SEMA6D: variants seen among roughly 807,000 people sequenced by gnomAD.
SEMA6D encodes semaphorin-6D.
A neutral mutation model predicts 106.6 loss-of-function variants in SEMA6D; 35 were observed. The ratio of observed to expected loss-of-function variants is 0.33; its 90% CI spans 0.25 to 0.44. The LOEUF (loss-of-function observed/expected upper bound fraction) is 0.44, where lower values mean the gene tolerates loss of function less well. SEMA6D is among the 20% of genes least tolerant of loss of function. SEMA6D has a pLI of 1.00. For synonymous variants in SEMA6D, 499 were observed against 487.7 expected, an observed-to-expected ratio of 1.02 and a Z score of -0.31; for missense variants, 1,185 against 1,345.9, an observed-to-expected ratio of 0.88 and a Z score of 1.87.
At chr15:47,240,375 A>G (rs953272023) in intron 1 of SEMA6D, among the ~76,000 whole-genome samples, 1 of 152,210 alleles carries the variant, frequency 6.6e-6, no homozygotes, top group African/African-American at 2.4e-5. Context: ...TTTAGGTAAA[A>G]TGAAGGAACT....
chr15:47,757,159 C>G (rs1037518475), intron 1 of SEMA6D, among the ~76,000 whole-genome samples: 1 of 152,152 alleles, frequency 6.6e-6, no homozygotes, highest in African/African-American at 2.4e-5. Context: ...GAGGGCTCCT[C>G]CCCGCCCTGC....
intron 16 of SEMA6D, 124 bp from the exon 17 acceptor site, chr15:47,766,913 A>T: frequency 1.6e-6 from 1 of 624,152 alleles, no homozygotes; most frequent in Non-Finnish European, 2.7e-6. Flanking sequence ...TAGTCTAACC[A>T]GTAGGTTAAT....
In SEMA6D at chr15:47,587,237, C is replaced by T. The variant is rs552906859; in HGVS notation, c.-86-13628C>T. Among the ~76,000 whole-genome samples, 6 of 152,282 alleles carry T rather than the reference C, an allele frequency of 3.9e-5. No homozygotes were observed. In the South Asian group the frequency reaches 8.3e-4, roughly 21 times the overall value. On this transcript the variant is annotated intron_variant, in intron 3 of 19. Coordinates refer to the SEMA6D transcript ENST00000558014. Reference sequence around the variant, plus strand: ...CCCCTCTGCCCTACCTCACCCCACCCGTCACGGCTCTGTCCTGGGTTTCAA... The same window carrying T: ...CCCCTCTGCCCTACCTCACCCCACCTGTCACGGCTCTGTCCTGGGTTTCAA...
intron 1 of SEMA6D, among the ~76,000 whole-genome samples, chr15:47,408,976 T>C (rs2040692268): frequency 6.6e-6 from 1 of 152,244 alleles, no homozygotes; most frequent in South Asian, 2.1e-4. Flanking sequence ...TTGCCAGTTG[T>C]ACTTACTGAA....
intron 1 of SEMA6D, among the ~76,000 whole-genome samples, chr15:47,333,083 G>T (rs12913499): frequency 0.036 from 5,468 of 152,262 alleles, 151 homozygotes; most frequent in Middle Eastern, 0.075. Context: ...TCATCGTTGT[G>T]TATTGTTTTT....
chr15:47,627,335 G>A (rs1041164547), intron 4 of SEMA6D, among the ~76,000 whole-genome samples: 5 of 152,124 alleles, frequency 3.3e-5, no homozygotes, highest in African/African-American at 9.7e-5. Flanking sequence ...ATTTAAATGT[G>A]CCCAATAAGC....
At chr15:47,200,061 T>C (rs1894621886) in intron 1 of SEMA6D, among the ~76,000 whole-genome samples, 1 of 152,174 alleles carries the variant, frequency 6.6e-6, no homozygotes, top group Admixed American at 6.6e-5. Flanking sequence ...TGTATATCTA[T>C]GTGTCTTTGT....
At chr15:47,339,992 G>A (rs985192335) in intron 1 of SEMA6D, among the ~76,000 whole-genome samples, 1 of 152,158 alleles carries the variant, frequency 6.6e-6, no homozygotes, top group African/African-American at 2.4e-5. Context: ...CTGATTTTTA[G>A]AGAGTACTGT....
intron 3 of SEMA6D, among the ~76,000 whole-genome samples, chr15:47,576,553 C>T (rs28624533): frequency 0.068 from 10,344 of 152,256 alleles, 1,092 homozygotes; most frequent in African/African-American, 0.23. Flanking sequence ...TTAGAGGCAG[C>T]TCAACTGCAC....
intron 1 of SEMA6D, among the ~76,000 whole-genome samples, chr15:47,371,800 C>T (rs1035771797): frequency 2.0e-5 from 3 of 152,130 alleles, no homozygotes; most frequent in Admixed American, 6.5e-5. Context: ...TGATGATGAT[C>T]ATCATAGAAA....
intron 3 of SEMA6D, among the ~76,000 whole-genome samples, chr15:47,562,153 C>A (rs1566891886): frequency 1.3e-5 from 2 of 151,922 alleles, no homozygotes; most frequent in Admixed American, 1.3e-4. Context: ...CATACATGGG[C>A]AACTGATTTT....
intron 1 of SEMA6D, among the ~76,000 whole-genome samples, chr15:47,224,638 A>G (rs923353370): frequency 6.6e-6 from 1 of 152,088 alleles, no homozygotes; most frequent in Non-Finnish European, 1.5e-5. Context: ...CCAAGTCACC[A>G]AACTTCTTGT....
In SEMA6D at chr15:47,693,154, T is replaced by A. The variant is rs2078625359; in HGVS notation, c.-54-66591T>A. Among the ~76,000 whole-genome samples, 4 of 152,150 alleles carry A rather than the reference T, an allele frequency of 2.6e-5. No individual in the cohort carries two copies. The South Asian group carries it at 8.3e-4, about 31-fold the overall frequency. The stretch of plus-strand genomic sequence containing the variant: ...TGTTACAATGGTCCCTAATCCAGTA[T>A]GACTGTTGTCCATATAAAAGAAGGA... On this transcript the variant is annotated intron_variant, in intron 4 of 19. Coordinates refer to the SEMA6D transcript ENST00000558014.
intron 1 of SEMA6D, among the ~76,000 whole-genome samples, chr15:47,248,326 C>T (rs1006304411): frequency 3.9e-5 from 6 of 152,072 alleles, no homozygotes; most frequent in Admixed American, 3.9e-4. Context: ...TATCAGGAAA[C>T]AAATGAGAAA....
chr15:47,764,373 T>A, intron 11 of SEMA6D, 68 bp downstream of exon 11: 1 of 1,550,636 alleles, frequency 6.4e-7, no homozygotes, highest in Non-Finnish European at 8.7e-7. Context: ...GCATCCCTCC[T>A]CAGGGAGCAG....
chr15:47,249,156 AG>A (rs1358904239), intron 1 of SEMA6D, among the ~76,000 whole-genome samples: 12 of 152,196 alleles, frequency 7.9e-5, no homozygotes, highest in Admixed American at 6.5e-5. Flanking sequence ...TGAGCACAGG[AG>A]GCAGAGATTG....
At chr15:47,676,265 C>A (rs1386423774) in intron 4 of SEMA6D, among the ~76,000 whole-genome samples, 3 of 152,160 alleles carry the variant, frequency 2.0e-5, no homozygotes, top group African/African-American at 7.2e-5. Context: ...CCTGGTTAGA[C>A]CCTGCCTGAT....
At chr15:47,327,154 G>A (rs553169566) in intron 1 of SEMA6D, among the ~76,000 whole-genome samples, 10 of 152,134 alleles carry the variant, frequency 6.6e-5, no homozygotes, top group Non-Finnish European at 8.8e-5. Flanking sequence ...CTGGCTTCTC[G>A]CTTACTAGGT....
chr15:47,231,501 G>A (rs1020467256), intron 1 of SEMA6D, among the ~76,000 whole-genome samples: 1 of 151,784 alleles, frequency 6.6e-6, no homozygotes, highest in East Asian at 1.9e-4. Context: ...ACTTTTCATC[G>A]CCATTACTCC....
Sources: gnomAD v4.1 joint callset for allele counts (sites outside exome capture counted in the v4.1 genomes callset) on GRCh38, gnomAD v4.1.1 for gene constraint, MANE v1.5 for transcripts, NCBI Gene and HGNC (gene_info 2026-07-23, HGNC 2026-07-21) for gene names.